RPL22: variants seen among roughly 807,000 people sequenced by gnomAD.
The protein encoded by RPL22 is ribosomal protein L22, also known as large ribosomal subunit protein eL22.
In RPL22, 4 loss-of-function variants were observed where a neutral mutation model predicts 16.2. The ratio of observed to expected loss-of-function variants is 0.25; its 90% confidence interval spans 0.12 to 0.57. The LOEUF (loss-of-function observed/expected upper bound fraction) is 0.57. Ranked by LOEUF, RPL22 falls within the 20% of genes least tolerant of loss-of-function variation. The pLI is 0.92. For synonymous variants in RPL22, 43 were observed against 54.8 expected (o/e 0.78, Z 0.95); for missense variants, 83 against 156.1 (o/e 0.53, Z 2.49).
intron 2 of RPL22, among the ~76,000 whole-genome samples, chr1:6,196,283 G>C (rs1423387284): frequency 6.6e-6 from 1 of 152,110 alleles, no homozygotes; most frequent in East Asian, 1.9e-4. Flanking sequence ...AATAATGCCA[G>C]AACAGGGCCA....
rs116645486 is a variant in RPL22 at position 6,190,042 on chromosome 1, G to C, written c.242+2888C>G. 1.8e-3 allele frequency among the ~76,000 whole-genome samples: 281 copies of C among 152,330 alleles called. 1 individual carries two copies. The highest frequency in any genetic ancestry group is 6.4e-3 in the African/African-American group (267 of 41,580). On this transcript the variant is annotated intron_variant, in intron 3 of 3. Transcript: ENST00000234875. ...TCATCAAGAAAGGAAAGCTGTAATA[G>C]ATGATTAAGGCACCTTCCCTACTCC...
rs746467070 is a variant in RPL22 at position 6,192,950 on chromosome 1, G to A, written c.222C>T (p.Ser74=). The part of the protein sequence containing the change: ...ERSKSKITVT[S]EVPFSKRYLK... ...TGTACCTTTTGGAGAAAGGCACCTCGGATGTCACGGTGATCTTGCTCTTGC... is the reference window on the plus strand; with the variant it reads ...TGTACCTTTTGGAGAAAGGCACCTCAGATGTCACGGTGATCTTGCTCTTGC... Residue 74 remains serine, a synonymous_variant, in exon 3 of 4, where the codon TCC becomes TCT. Transcript: ENST00000234875. The A allele has an allele frequency of 2.8e-5, 45 of 1,613,376 alleles. No individual in the cohort carries two copies. The highest frequency in any genetic ancestry group is 1.2e-4 in the African/African-American group (9 of 74,894).
chr1:6,199,353 G>C lies in RPL22; in HGVS notation c.12+209C>G, dbSNP rs778744799. On this transcript the variant is annotated intron_variant, in intron 1 of 3. Coordinates refer to ENST00000234875, the MANE Select transcript of RPL22 (RefSeq NM_000983.4). ...GGGCCCCGGGCCTCCGAGACCTCCC[G>C]GATCTCCCTCACGAGCCTCGGGCCG... The C allele has an allele frequency of 3.8e-6, 5 of 1,301,986 alleles. No homozygotes were observed. In the African/African-American group the frequency reaches 7.7e-5, roughly 20 times the overall value. 80.7% of individuals were successfully genotyped at this position (1,301,986 alleles called of 1,614,324 possible).
intron 3 of RPL22, among the ~76,000 whole-genome samples, chr1:6,187,599 G>A (rs1667598544): frequency 7.8e-6 from 1 of 128,740 alleles, no homozygotes; most frequent in Non-Finnish European, 1.5e-5. Context: ...GGGCGACAGA[G>A]CAAGACTCCA....
intron 3 of RPL22, among the ~76,000 whole-genome samples, chr1:6,192,103 G>A (rs547398973): frequency 9.5e-4 from 143 of 151,214 alleles, no homozygotes; most frequent in African/African-American, 3.3e-3. Context: ...AGGCTGGCCT[G>A]CAGTGGCACA....
intron 2 of RPL22, among the ~76,000 whole-genome samples, chr1:6,194,931 G>A (rs188534718): frequency 2.6e-5 from 4 of 152,294 alleles, no homozygotes; most frequent in African/African-American, 2.4e-5. Flanking sequence ...GAGGTCAGGA[G>A]ATCGAGACCA....
chr1:6,199,165 T>G (rs900619559), intron 1 of RPL22: 1 of 215,390 alleles, frequency 4.6e-6, no homozygotes, highest in African/African-American at 2.3e-5. Context: ...CGTCCCCGAG[T>G]CTTGGCCGTG....
chr1:6,185,905 C>G lies in RPL22; in HGVS notation c.*767G>C. The G allele has an allele frequency of 4.3e-6, 1 of 230,852 alleles. No individual in the cohort carries two copies. The highest frequency in any genetic ancestry group is 8.6e-6 in the Non-Finnish European group (1 of 116,518). 14.3% of individuals were successfully genotyped at this position (230,852 alleles called of 1,614,324 possible). On this transcript the variant is annotated 3_prime_UTR_variant, in exon 4 of 4. Transcript: ENST00000234875. ...CCCTCTTTCAAGAACCTCCAGAGCT[C>G]TTGGCATCAGGGGCCCCCATTGCTG... is the stretch of plus-strand genomic sequence containing the variant.
intron 2 of RPL22, among the ~76,000 whole-genome samples, chr1:6,194,218 TAAAAC>T (rs1192398816): frequency 2.0e-5 from 3 of 152,022 alleles, no homozygotes; most frequent in Non-Finnish European, 4.4e-5. Flanking sequence ...AATAAATAAA[TAAAAC>T]AAACTTTTAC....
At chr1:6,192,899 C>T (rs755289033) in intron 3 of RPL22, 31 bp downstream of exon 3, 5 of 1,589,952 alleles carry the variant, frequency 3.1e-6, no homozygotes, top group Non-Finnish European at 3.4e-6. Flanking sequence ...ACTGGGTGCA[C>T]GCAGGCCACA....
At chr1:6,192,408 T>C (rs1667663485) in intron 3 of RPL22, among the ~76,000 whole-genome samples, 1 of 152,180 alleles carries the variant, frequency 6.6e-6, no homozygotes, top group Non-Finnish European at 1.5e-5. Context: ...TTTAAAATAC[T>C]TTAGCCTGGC....
At position 6,185,901 on chromosome 1, in the gene RPL22, A is replaced by C. The variant is rs1667576900; in HGVS notation, c.*771T>G. On this transcript the variant is annotated 3_prime_UTR_variant, in exon 4 of 4. Transcript: ENST00000234875. ...TGTCCCCTCTTTCAAGAACCTCCAGAGCTCTTGGCATCAGGGGCCCCCATT... is the reference window on the plus strand; with the variant it reads ...TGTCCCCTCTTTCAAGAACCTCCAGCGCTCTTGGCATCAGGGGCCCCCATT... The C allele has an allele frequency of 2.2e-5, 5 of 230,630 alleles. No individual in the cohort carries two copies. In the East Asian group the frequency reaches 3.1e-4, roughly 14 times the overall value. 14.3% of individuals were successfully genotyped at this position (230,630 alleles called of 1,614,324 possible).
intron 3 of RPL22, 126 bp from the exon 4 acceptor site, chr1:6,186,942 T>C (rs1202036191): frequency 7.0e-6 from 10 of 1,433,854 alleles, no homozygotes; most frequent in South Asian, 2.5e-5. Context: ...GCCTCAAAAA[T>C]GGCAAAGGTA....
chr1:6,195,193 C>G (rs1667700079), intron 2 of RPL22, among the ~76,000 whole-genome samples: 1 of 150,802 alleles, frequency 6.6e-6, no homozygotes, highest in Non-Finnish European at 1.5e-5. Flanking sequence ...CGCCTGTAAT[C>G]CCAACACTTT....
Position 6,193,023 on chromosome 1 carries a change from T to C in RPL22, c.149A>G (p.Asn50Ser). ...EQFLQERIKV[N>S]GKAGNLGGGV... ...TCCACCAAGGTTCCCAGCTTTTCCG[T>C]TCACTTTGATCCTTTCTTGCAAAAA... is the stretch of plus-strand genomic sequence containing the variant. The change falls in exon 3 of 4, where the codon AAC becomes AGC. Residue 50 changes from asparagine (N) to serine (S), a missense_variant. By Grantham distance (46) the Asn-to-Ser change is conservative. Coordinates refer to ENST00000234875, the MANE Select transcript of RPL22 (RefSeq NM_000983.4). The C allele has an allele frequency of 5.0e-6, 8 of 1,614,202 alleles. No individual in the cohort carries two copies. The highest frequency in any genetic ancestry group is 5.9e-6 in the Non-Finnish European group (7 of 1,180,014).
chr1:6,198,128 A>G (rs1667745694), intron 1 of RPL22: 2 of 219,064 alleles, frequency 9.1e-6, no homozygotes, highest in Non-Finnish European at 1.8e-5. Flanking sequence ...TCAAAAAAAT[A>G]CTATTTTTCC....
intron 3 of RPL22, among the ~76,000 whole-genome samples, chr1:6,191,547 C>T (rs931954012): frequency 1.3e-5 from 2 of 150,208 alleles, no homozygotes; most frequent in East Asian, 1.9e-4. Context: ...CAGTGGCAGG[C>T]GCCTGTAGTC....
At chr1:6,192,187 T>C (rs1667660785) in intron 3 of RPL22, among the ~76,000 whole-genome samples, 1 of 152,104 alleles carries the variant, frequency 6.6e-6, no homozygotes, top group African/African-American at 2.4e-5. Context: ...GTGGCTGGAC[T>C]ACAGGCACAT....
chr1:6,189,248 C>T (rs1298761711), intron 3 of RPL22, among the ~76,000 whole-genome samples: 1 of 152,088 alleles, frequency 6.6e-6, no homozygotes, highest in Non-Finnish European at 1.5e-5. Flanking sequence ...ACAAAGCAAT[C>T]GCCACAAAGT....
Sources: allele counts gnomAD v4.1 joint callset (sites outside exome capture counted in the v4.1 genomes callset), GRCh38; gene constraint gnomAD v4.1.1; transcripts MANE v1.5; gene names NCBI Gene and HGNC (gene_info 2026-07-23, HGNC 2026-07-21).